Variants in RRP12 observed in about 807,000 individuals in gnomAD.
The protein encoded by RRP12 is ribosomal RNA processing 12 homolog.
In RRP12, 78 loss-of-function variants were observed where a neutral mutation model predicts 157.3. The ratio of observed to expected loss-of-function variants is 0.50; its 90% CI spans 0.41 to 0.60. The LOEUF is 0.60. Among genes scored for constraint, RRP12 ranks in the 20% least tolerant of loss-of-function variants. The pLI is 0.00. For synonymous variants in RRP12, 726 were observed against 670.9 expected, an observed-to-expected ratio of 1.08 and a Z score of -1.27; for missense variants, 1,521 against 1,679.9, an observed-to-expected ratio of 0.91 and a Z score of 1.65.
intron 25 of RRP12, among the ~76,000 whole-genome samples, chr10:97,368,307 TA>T (rs2133042661): frequency 6.7e-6 from 1 of 149,740 alleles, no homozygotes; most frequent in African/African-American, 2.5e-5. Context: ...GCTAGGAATA[TA>T]GGTGTGAGCC....
chr10:97,377,967 T>G (rs1476303720), intron 15 of RRP12, among the ~76,000 whole-genome samples: 1 of 152,136 alleles, frequency 6.6e-6, no homozygotes, highest in Admixed American at 6.5e-5. Context: ...AACGAAAAGC[T>G]TCTGAAGCCA....
At chr10:97,371,972 G>A (rs1844168028) in intron 20 of RRP12, 101 bp downstream of exon 20, 2 of 745,782 alleles carry the variant, frequency 2.7e-6, no homozygotes. Flanking sequence ...CCTGATCTCG[G>A]GAAGCAGCAA....
chr10:97,380,762 C>T, intron 13 of RRP12, 37 bp downstream of exon 13: 1 of 1,486,830 alleles, frequency 6.7e-7, no homozygotes, highest in Non-Finnish European at 9.4e-7. Context: ...AGAGCCAGCA[C>T]CACTTCCTGC....
chr10:97,371,992 A>T, intron 20 of RRP12, 81 bp downstream of exon 20: 1 of 914,062 alleles, frequency 1.1e-6, no homozygotes, highest in South Asian at 1.5e-5. Flanking sequence ...AGGGACAAAG[A>T]CATGAAGACA....
intron 15 of RRP12, among the ~76,000 whole-genome samples, chr10:97,375,760 T>C (rs1424746131): frequency 6.6e-6 from 1 of 152,178 alleles, no homozygotes; most frequent in Non-Finnish European, 1.5e-5. Context: ...AAGTTACTAA[T>C]ATGTGCACAT....
chr10:97,377,004 C>T (rs1057393024), intron 15 of RRP12, among the ~76,000 whole-genome samples: 11 of 151,840 alleles, frequency 7.2e-5, no homozygotes, highest in Admixed American at 3.3e-4. Flanking sequence ...CTCAGCCTCC[C>T]GAGTAGGTGG....
chr10:97,363,800 G>C lies in RRP12; in HGVS notation c.3567+54C>G, dbSNP rs537950100. The C allele has an allele frequency of 3.4e-6, 5 of 1,491,368 alleles. No individual in the cohort carries two copies. In the African/African-American group the frequency reaches 5.5e-5, roughly 16 times the overall value. 92.4% of individuals were successfully genotyped at this position (1,491,368 alleles called of 1,614,324 possible). On this transcript the variant is annotated intron_variant, in intron 30 of 33. Transcript: ENST00000370992. ...ACGTGTGGTGGGGGTGAGAAGCTGT[G>C]GAGCCCAGGCTTAGGTCTGAAGCCC...
intron 6 of RRP12, among the ~76,000 whole-genome samples, chr10:97,389,219 GA>G (rs1564766669): frequency 6.6e-6 from 1 of 151,996 alleles, no homozygotes; most frequent in Non-Finnish European, 1.5e-5. Context: ...TCCGCCTCCC[GA>G]GCAGCTGGGA....
chr10:97,382,269 T>TG (rs1236463955), intron 10 of RRP12, among the ~76,000 whole-genome samples: 1 of 152,060 alleles, frequency 6.6e-6, no homozygotes, highest in East Asian at 1.9e-4. Flanking sequence ...CTCAGCCTCC[T>TG]GAGTAGCTGG....
intron 15 of RRP12, among the ~76,000 whole-genome samples, chr10:97,378,864 T>A (rs1235500272): frequency 7.3e-6 from 1 of 136,746 alleles, no homozygotes; most frequent in Admixed American, 7.4e-5. Context: ...TCTCAAAAAA[T>A]AATAATAATA....
chr10:97,381,527 C>A, intron 11 of RRP12, 44 bp from the exon 12 acceptor site: 1 of 1,463,458 alleles, frequency 6.8e-7, no homozygotes, highest in South Asian at 1.2e-5. Flanking sequence ...AGGCAGCCCC[C>A]CAGGACCACT....
chr10:97,382,565 A>G (rs1330604341), intron 10 of RRP12, among the ~76,000 whole-genome samples: 1 of 152,220 alleles, frequency 6.6e-6, no homozygotes, highest in East Asian at 1.9e-4. Context: ...ATGAGGAAAG[A>G]CACAGAGAAG....
intron 23 of RRP12, 60 bp from the exon 24 acceptor site, chr10:97,370,334 G>A (rs1358689202): frequency 2.3e-5 from 32 of 1,416,020 alleles, no homozygotes; most frequent in Non-Finnish European, 3.1e-5. Context: ...GGGGGCTGAG[G>A]GCCAGAGAGG....
chr10:97,368,181 C>T (rs1000705919), intron 25 of RRP12, among the ~76,000 whole-genome samples: 3 of 151,364 alleles, frequency 2.0e-5, no homozygotes, highest in East Asian at 1.9e-4. Context: ...CAGGCGCGCA[C>T]CACCATGCCT....
chr10:97,367,026 G>A lies in RRP12; in HGVS notation c.3047+15C>T. ...CCTCGCTTGCCCTACCCCCGCCCCT[G>A]CTCAGTGCACAGACCCAAACTTGCG... On this transcript the variant is annotated intron_variant, in intron 26 of 33. Transcript: ENST00000370992. 6.2e-7 allele frequency: 1 copy of A among 1,613,478 alleles called. No homozygotes were observed. The highest frequency in any genetic ancestry group is 8.5e-7 in the Non-Finnish European group (1 of 1,179,452).
chr10:97,374,771 CAA>C (rs775889963), intron 15 of RRP12, among the ~76,000 whole-genome samples: 4 of 90,646 alleles, frequency 4.4e-5, no homozygotes, highest in Non-Finnish European at 4.4e-5. Context: ...GACTCTGTCT[CAA>C]AAAAAAAAAA....
rs1023099852 is a variant in RRP12 at position 97,362,121 on chromosome 10, AAAAG to A, written c.3568-1507_3568-1504del. On this transcript the variant is annotated intron_variant, in intron 30 of 33. Coordinates refer to ENST00000370992, the MANE Select transcript of RRP12 (RefSeq NM_015179.4). The stretch of plus-strand genomic sequence containing the variant: ...ACTTCATCTCAAAAAAAAAAAAAAA[AAAAG>A]AGTTAGAACTAAGTGCCATGCAAGA... Among the ~76,000 whole-genome samples the A allele has an allele frequency of 2.2e-4, 33 of 151,870 alleles. No homozygotes were observed. In the South Asian group the frequency reaches 2.3e-3, roughly 11 times the overall value.
intron 13 of RRP12, 90 bp downstream of exon 13, chr10:97,380,709 C>A: frequency 1.1e-6 from 1 of 910,128 alleles, no homozygotes; most frequent in South Asian, 1.4e-5. Flanking sequence ...GAGCAGGGTG[C>A]AGAGATAACA....
At chr10:97,380,114 A>G (rs994785359) in intron 13 of RRP12, among the ~76,000 whole-genome samples, 3 of 152,204 alleles carry the variant, frequency 2.0e-5, no homozygotes. Flanking sequence ...TGGGTTCACT[A>G]TGGCCACAGC....
Sources: allele counts gnomAD v4.1 joint callset (sites outside exome capture counted in the v4.1 genomes callset), GRCh38; gene constraint gnomAD v4.1.1; transcripts MANE v1.5; gene names NCBI Gene and HGNC (gene_info 2026-07-23, HGNC 2026-07-21).